Variants in BAZ1B observed in about 807,000 individuals in gnomAD.
BAZ1B encodes the protein tyrosine-protein kinase BAZ1B.
Under a neutral mutation model 153.8 loss-of-function variants are expected in BAZ1B, and 22 were observed. The ratio of observed to expected loss-of-function variants is 0.14; its 90% CI spans 0.10 to 0.20. The LOEUF (loss-of-function observed/expected upper bound fraction) is 0.20. Among genes scored for constraint, BAZ1B ranks in the 10% least tolerant of loss-of-function variants. BAZ1B has a pLI of 1.00. For missense variants in BAZ1B, 1,325 were observed against 1,799.3 expected (o/e 0.74, Z 4.77); for synonymous variants, 676 against 633.4 (o/e 1.07, Z -1.01).
In BAZ1B at chr7:73,450,213, CCT is replaced by C. The variant is rs1787987180; in HGVS notation, c.3581-526_3581-525del. 2.0e-5 allele frequency among the ~76,000 whole-genome samples: 3 copies of C among 151,928 alleles called. No individual in the cohort carries two copies. In the South Asian group the frequency reaches 6.2e-4, roughly 32 times the overall value. ...CAGGCGTGAGCCACCGCGCCCGGCC[CCT>C]GATGGGTTCCCTTAAACCATGTGGT... On this transcript the variant is annotated intron_variant, in intron 14 of 19. Coordinates refer to ENST00000339594, the MANE Select transcript of BAZ1B (RefSeq NM_032408.4). The surrounding 1 kb of genome is among the most constrained non-coding windows in gnomAD (Gnocchi z 4.1).
intron 13 of BAZ1B, among the ~76,000 whole-genome samples, chr7:73,452,797 A>G (rs1247948720): frequency 6.6e-6 from 1 of 152,068 alleles, no homozygotes; most frequent in Non-Finnish European, 1.5e-5. Context: ...CCCAGATAAA[A>G]CCATCATAAA....
intron 13 of BAZ1B, among the ~76,000 whole-genome samples, chr7:73,458,598 C>T (rs1411490755): frequency 6.6e-6 from 1 of 151,346 alleles, no homozygotes; most frequent in Admixed American, 6.6e-5. Flanking sequence ...ATTGCTTGAA[C>T]CTGGGAGGTA....
At chr7:73,479,508 C>CAAAAA (rs565909571) in intron 6 of BAZ1B, among the ~76,000 whole-genome samples, 18 of 66,914 alleles carry the variant, frequency 2.7e-4, no homozygotes, top group African/African-American at 5.2e-4. Context: ...ACCCCCGTCT[C>CAAAAA]AAAAAAAAAA....
intron 16 of BAZ1B, among the ~76,000 whole-genome samples, chr7:73,446,805 A>G (rs1322940470): frequency 6.6e-6 from 1 of 152,222 alleles, no homozygotes; most frequent in Admixed American, 6.5e-5. Context: ...TTTTCAAACC[A>G]GCAAAGCTAT....
chr7:73,517,905 T>C (rs1457258382), intron 1 of BAZ1B, among the ~76,000 whole-genome samples: 1 of 152,208 alleles, frequency 6.6e-6, no homozygotes, highest in Non-Finnish European at 1.5e-5. Flanking sequence ...TGAAAAGATG[T>C]GGCCCAGATA....
At chr7:73,488,895 TTTTATA>T (rs2116377169) in intron 6 of BAZ1B, among the ~76,000 whole-genome samples, 1 of 152,234 alleles carries the variant, frequency 6.6e-6, no homozygotes, top group East Asian at 1.9e-4. Context: ...ACAAAATACT[TTTTATA>T]TTTATACCAT....
rs782438733 is a variant in BAZ1B, at chr7:73,442,421, C to G, written c.4227G>C (p.Lys1409Asn). Residue 1409 changes from lysine (K) to asparagine (N), a missense_variant, in exon 19 of 20, where the codon AAG becomes AAC. By Grantham distance (94) the Lys-to-Asn change is moderately conservative. Transcript: ENST00000339594. ...RSVQEFLTDMKQVFTNAEVYN... is the reference protein window; with the variant it reads ...RSVQEFLTDMNQVFTNAEVYN... ...AAACCTCAGCATTGGTAAACACTTG[C>G]TTCATGTCAGTAAGAAACTCCTGCA... 1 of 1,614,248 alleles carries G rather than the reference C, an allele frequency of 6.2e-7. No homozygotes were observed. The highest frequency in any genetic ancestry group is 8.5e-7 in the Non-Finnish European group (1 of 1,180,048).
intron 7 of BAZ1B, among the ~76,000 whole-genome samples, chr7:73,472,867 C>T (rs1788862314): frequency 6.6e-6 from 1 of 151,832 alleles, no homozygotes; most frequent in Non-Finnish European, 1.5e-5. Context: ...AGCGATTATC[C>T]TGTCTCAGCT....
Position 73,477,705 on chromosome 7 carries a change from T to A in BAZ1B, c.1756A>T (p.Thr586Ser). 1 of 1,614,198 alleles carries A rather than the reference T, an allele frequency of 6.2e-7. No individual in the cohort carries two copies. Among genetic ancestry groups the A allele is most frequent in the Non-Finnish European group, 8.5e-7 (1 of 1,180,038 alleles). Reference protein sequence around the residue: ...KQKRYEDQELTGKNLPAFRLV... With the variant: ...KQKRYEDQELSGKNLPAFRLV... ...CTGAATGCTGGAAGGTTTTTGCCAG[T>A]TAACTCTTGGTCCTCATACCGCTTC... is the stretch of plus-strand genomic sequence containing the variant. Residue 586 changes from threonine to serine, a missense_variant, in exon 7 of 20, where the codon ACT becomes TCT. Coordinates refer to ENST00000339594, the MANE Select transcript of BAZ1B (RefSeq NM_032408.4). This position sits in a 1 kb window ranked among gnomAD's most constrained non-coding sequence, Gnocchi z 5.6.
chr7:73,493,116 CTATAAATAACTACAATGTAG>C (rs1789718579), intron 4 of BAZ1B, among the ~76,000 whole-genome samples, 195 bp from the exon 5 acceptor site: 1 of 152,130 alleles, frequency 6.6e-6, no homozygotes, highest in Non-Finnish European at 1.5e-5. Context: ...CTACAATGTA[CTATAAATAACTACAATGTAG>C]TAAACAGTGT....
intron 7 of BAZ1B, among the ~76,000 whole-genome samples, chr7:73,474,705 G>A (rs1788935833): frequency 6.6e-6 from 1 of 152,198 alleles, no homozygotes; most frequent in Admixed American, 6.5e-5. Flanking sequence ...AACCCAGGAG[G>A]CAGAGGTTTC....
At chr7:73,452,891 G>C (rs1490550045) in intron 13 of BAZ1B, among the ~76,000 whole-genome samples, 1 of 152,094 alleles carries the variant, frequency 6.6e-6, no homozygotes, top group Non-Finnish European at 1.5e-5. Context: ...CAGGATGTCC[G>C]GACAAACGCC....
chr7:73,500,041 T>TG (rs1350761680), intron 3 of BAZ1B, among the ~76,000 whole-genome samples: 4 of 152,156 alleles, frequency 2.6e-5, no homozygotes, highest in Admixed American at 2.6e-4. Context: ...CTTGAACTTC[T>TG]GGGCTCAAGC....
intron 6 of BAZ1B, among the ~76,000 whole-genome samples, chr7:73,482,501 C>T (rs1039469637): frequency 2.0e-5 from 3 of 152,062 alleles, no homozygotes; most frequent in Non-Finnish European, 2.9e-5. Flanking sequence ...TAAAGTCATC[C>T]TAAAATGAAA....
intron 13 of BAZ1B, among the ~76,000 whole-genome samples, chr7:73,457,880 G>T (rs1438154469): frequency 5.9e-5 from 9 of 152,172 alleles, no homozygotes; most frequent in African/African-American, 2.2e-4. Flanking sequence ...AAGCTGGAAG[G>T]AAGGAGTGTT....
intron 1 of BAZ1B, among the ~76,000 whole-genome samples, chr7:73,517,204 A>T (rs1554579504): frequency 6.6e-6 from 1 of 151,814 alleles, no homozygotes; most frequent in Non-Finnish European, 1.5e-5. Flanking sequence ...AAAAAGAGAG[A>T]AAGTAAGGCC....
At position 73,477,046 on chromosome 7, in the gene BAZ1B, A is replaced by G. The variant is rs375828392; in HGVS notation, c.2415T>C (p.Asn805=). Residue 805 remains asparagine (N), a synonymous_variant, in exon 7 of 20, where the codon AAT becomes AAC. Coordinates refer to ENST00000339594, the MANE Select transcript of BAZ1B (RefSeq NM_032408.4). This position sits in a 1 kb window ranked among gnomAD's most constrained non-coding sequence, Gnocchi z 5.6. ...CATTCTCAACTTTTCCATTTTCTTT[A>G]TTTTTGGCTTCCATTTCTTTCCGTT... ...KQKRKEMEAK[N]KENGKVENGL... 3.1e-4 allele frequency: 496 copies of G among 1,613,670 alleles called. 2 individuals carry two copies. The highest frequency in any genetic ancestry group is 4.8e-5 in the Non-Finnish European group (57 of 1,179,946).
At chr7:73,447,504 T>G in intron 15 of BAZ1B, 125 bp from the exon 16 acceptor site, 1 of 1,220,058 alleles carries the variant, frequency 8.2e-7, no homozygotes, top group Non-Finnish European at 1.1e-6. Flanking sequence ...CGTATGATAA[T>G]TCAGGGAGGG....
intron 16 of BAZ1B, 54 bp downstream of exon 16, chr7:73,447,210 G>T (rs1443429208): frequency 6.2e-7 from 1 of 1,611,964 alleles, no homozygotes; most frequent in Non-Finnish European, 8.5e-7. Flanking sequence ...CTTTCCAAGC[G>T]TTCCAAGCTT....
Sources: gnomAD v4.1 joint callset for allele counts (sites outside exome capture counted in the v4.1 genomes callset) on GRCh38, gnomAD v4.1.1 for gene constraint, Gnocchi (gnomAD v3.1) non-coding constraint, MANE v1.5 for transcripts, NCBI Gene and HGNC (gene_info 2026-07-23, HGNC 2026-07-21) for gene names.